Variants in NACC2 observed in about 807,000 individuals in gnomAD.
NACC2 encodes the protein NACC family member 2, also known as nucleus accumbens-associated protein 2.
A neutral mutation model predicts 25.1 loss-of-function variants in NACC2; 8 were observed. That is an observed-to-expected ratio of 0.32 (90% CI 0.19 to 0.57). NACC2 has a LOEUF of 0.57. Ranked by LOEUF, NACC2 falls within the 20% of genes least tolerant of loss-of-function variation. The pLI is 0.89. For missense variants in NACC2, 644 were observed against 650.2 expected, an observed-to-expected ratio of 0.99 and a Z score of 0.10; for synonymous variants, 435 against 294.7, an observed-to-expected ratio of 1.48 and a Z score of -4.88.
At chr9:136,056,828 G>T (rs1840931689) in intron 1 of NACC2, among the ~76,000 whole-genome samples, 1 of 152,250 alleles carries the variant, frequency 6.6e-6, no homozygotes, top group Non-Finnish European at 1.5e-5. Context: ...ATCAGAGCCG[G>T]CGGTAACTGC....
rs575977327 is a variant in NACC2, at chr9:136,020,675, G to A, written c.887-4246C>T. ...AACTTAAATGCAAATGGACAGAACA[G>A]TGCTGAATCAACTGATTTTAAGACT... On this transcript the variant is annotated intron_variant, in intron 2 of 5. Transcript: ENST00000277554. This position sits in a 1 kb window ranked among gnomAD's most constrained non-coding sequence, Gnocchi z 4.7. Among the ~76,000 whole-genome samples, 1 of 152,304 alleles carries A rather than the reference G, an allele frequency of 6.6e-6. No homozygotes were observed. Among genetic ancestry groups the A allele is most frequent in the East Asian group, 1.9e-4 (1 of 5,190 alleles).
At chr9:136,027,040 C>G (rs775892739) in intron 2 of NACC2, among the ~76,000 whole-genome samples, 28 of 152,162 alleles carry the variant, frequency 1.8e-4, no homozygotes, top group Non-Finnish European at 3.2e-4. Context: ...ACCAGCCTGG[C>G]CAACATGGTG....
Position 136,018,413 on chromosome 9 carries a change from C to T in NACC2, c.887-1984G>A, listed in dbSNP as rs1466597642. ...CTGAAACCTTGGTTTCTGAGGACCC[C>T]ACATCCTGAATCCACAGCGGGCGCC... is the stretch of plus-strand genomic sequence containing the variant. On this transcript the variant is annotated intron_variant, in intron 2 of 5. Transcript: ENST00000277554. This position sits in a 1 kb window ranked among gnomAD's most constrained non-coding sequence, Gnocchi z 4.4. Among the ~76,000 whole-genome samples the T allele has an allele frequency of 6.6e-6, 1 of 152,068 alleles. No homozygotes were observed. Among genetic ancestry groups the T allele is most frequent in the Non-Finnish European group, 1.5e-5 (1 of 67,992 alleles).
intron 2 of NACC2, among the ~76,000 whole-genome samples, chr9:136,046,072 G>T (rs1227925176): frequency 6.6e-6 from 1 of 152,224 alleles, no homozygotes; most frequent in Non-Finnish European, 1.5e-5. Flanking sequence ...GAAGAGGAAA[G>T]GGGCTCCCGC....
At chr9:136,012,383 C>A (rs571403929) in intron 5 of NACC2, among the ~76,000 whole-genome samples, 20 of 152,376 alleles carry the variant, frequency 1.3e-4, no homozygotes, top group Non-Finnish European at 1.9e-4. Context: ...ATAACACACC[C>A]CTCCCCGTCC....
rs139020800 is a variant in NACC2 at position 136,089,389 on chromosome 9, G to A, written c.-60+5800C>T. Among the ~76,000 whole-genome samples the A allele has an allele frequency of 1.1e-4, 17 of 152,092 alleles. No homozygotes were observed. The East Asian group carries it at 2.5e-3, about 23-fold the overall frequency. ...CCCTTGCTAGAAACCTAGCACCCGCGAAGGCCTGACTTCCAGGCGAAGGGT... is the reference window on the plus strand; with the variant it reads ...CCCTTGCTAGAAACCTAGCACCCGCAAAGGCCTGACTTCCAGGCGAAGGGT... On this transcript the variant is annotated intron_variant, in intron 1 of 5. Coordinates refer to ENST00000277554, the MANE Select transcript of NACC2 (RefSeq NM_144653.5).
At chr9:136,056,926 C>A (rs1204423576) in intron 1 of NACC2, among the ~76,000 whole-genome samples, 1 of 152,250 alleles carries the variant, frequency 6.6e-6, no homozygotes, top group African/African-American at 2.4e-5. Context: ...CGTGTATCAG[C>A]CCTTCCTCTC....
At chr9:136,039,203 GATAA>G (rs1840595470) in intron 2 of NACC2, among the ~76,000 whole-genome samples, 1 of 152,174 alleles carries the variant, frequency 6.6e-6, no homozygotes. Flanking sequence ...TTCAGAGATG[GATAA>G]ATGACATGAA....
At chr9:136,027,774 T>C (rs563218672) in intron 2 of NACC2, among the ~76,000 whole-genome samples, 4 of 152,266 alleles carry the variant, frequency 2.6e-5, no homozygotes, top group African/African-American at 9.6e-5. Flanking sequence ...GAGGTATCAA[T>C]GATCTACAGA....
intron 2 of NACC2, among the ~76,000 whole-genome samples, chr9:136,027,183 C>T (rs1266835358): frequency 6.6e-6 from 1 of 152,228 alleles, no homozygotes; most frequent in Non-Finnish European, 1.5e-5. Flanking sequence ...CGAGATAGCG[C>T]CACTGCCCTC....
intron 1 of NACC2, among the ~76,000 whole-genome samples, chr9:136,091,300 T>C (rs1830431831): frequency 6.6e-6 from 1 of 152,178 alleles, no homozygotes. Flanking sequence ...AGGATGCTAC[T>C]CTGTAGCAGG....
At chr9:136,028,302 G>C (rs1475288972) in intron 2 of NACC2, among the ~76,000 whole-genome samples, 1 of 151,918 alleles carries the variant, frequency 6.6e-6, no homozygotes, top group South Asian at 2.1e-4. Context: ...CTGCTGGGAG[G>C]GCCAGAGAGT....
chr9:136,057,528 C>A (rs933447802), intron 1 of NACC2, among the ~76,000 whole-genome samples: 3 of 152,210 alleles, frequency 2.0e-5, no homozygotes, highest in Non-Finnish European at 4.4e-5. Flanking sequence ...AGCTGTGTTT[C>A]GAAAAGAGCC....
At chr9:136,073,516 T>A (rs957200051) in intron 1 of NACC2, among the ~76,000 whole-genome samples, 1 of 151,858 alleles carries the variant, frequency 6.6e-6, no homozygotes, top group Non-Finnish European at 1.5e-5. Context: ...TCCAGCTGTA[T>A]CAGAGTATAG....
chr9:136,079,245 G>A (rs1480931872), intron 1 of NACC2, among the ~76,000 whole-genome samples: 1 of 152,208 alleles, frequency 6.6e-6, no homozygotes, highest in Non-Finnish European at 1.5e-5. Context: ...CTGAGCTGAG[G>A]GGGAGACCAG....
intron 2 of NACC2, among the ~76,000 whole-genome samples, chr9:136,024,173 T>A (rs868847038): frequency 1.3e-5 from 1 of 77,022 alleles, no homozygotes; most frequent in South Asian, 4.0e-4. Context: ...TGTGTGTGTG[T>A]GTGTGAGGAC....
chr9:136,024,769 A>C lies in NACC2; in HGVS notation c.887-8340T>G, dbSNP rs536986757. Among the ~76,000 whole-genome samples the C allele has an allele frequency of 8.5e-5, 13 of 152,310 alleles. No individual in the cohort carries two copies. In the South Asian group the frequency reaches 2.1e-3, roughly 24 times the overall value. Reference sequence around the variant, plus strand: ...AATATTAGACTAACTCCCTCATCAAAAACAACTACCAAAATTATCAAAAGA... The same window carrying C: ...AATATTAGACTAACTCCCTCATCAACAACAACTACCAAAATTATCAAAAGA... On this transcript the variant is annotated intron_variant, in intron 2 of 5. Coordinates refer to ENST00000277554, the MANE Select transcript of NACC2 (RefSeq NM_144653.5).
In NACC2 at chr9:136,011,484, ACTCGGTCC is replaced by A. The variant is rs1840104686; in HGVS notation, c.*24_*31del. On this transcript the variant is annotated 3_prime_UTR_variant, in exon 6 of 6. Transcript: ENST00000277554. ...AGTAACGCATGCAAGCAGCTCTAGT[ACTCGGTCC>A]CTCGCGCAGCCACCCAGCTCCGCTT... 1 of 1,351,886 alleles carries A rather than the reference ACTCGGTCC, an allele frequency of 7.4e-7. No homozygotes were observed. The highest frequency in any genetic ancestry group is 9.5e-7 in the Non-Finnish European group (1 of 1,053,654). 83.7% of individuals were successfully genotyped at this position (1,351,886 alleles called of 1,614,324 possible).
intron 1 of NACC2, among the ~76,000 whole-genome samples, chr9:136,060,461 C>T (rs1304518548): frequency 1.3e-5 from 2 of 152,256 alleles, no homozygotes; most frequent in Non-Finnish European, 2.9e-5. Context: ...ACTGTGGCAG[C>T]AGGCGCTTCT....
Sources: allele counts gnomAD v4.1 joint callset (sites outside exome capture counted in the v4.1 genomes callset), GRCh38; gene constraint gnomAD v4.1.1; non-coding constraint Gnocchi (gnomAD v3.1); transcripts MANE v1.5; gene names NCBI Gene and HGNC (gene_info 2026-07-23, HGNC 2026-07-21).